Variants in PLXDC2 observed in about 807,000 individuals in gnomAD.
The protein encoded by PLXDC2 is plexin domain-containing protein 2.
Under a neutral mutation model 68.9 loss-of-function variants are expected in PLXDC2, and 40 were observed. The ratio of observed to expected loss-of-function variants is 0.58; its 90% confidence interval spans 0.45 to 0.76. The LOEUF (loss-of-function observed/expected upper bound fraction) is 0.76, where lower values mean the gene tolerates loss of function less well. Ranked by LOEUF, PLXDC2 falls within the 30% of genes least tolerant of loss-of-function variation. The pLI is 0.00. For missense variants in PLXDC2, 644 were observed against 661.9 expected, an observed-to-expected ratio of 0.97 and a Z score of 0.30; for synonymous variants, 243 against 234.2, an observed-to-expected ratio of 1.04 and a Z score of -0.34.
At chr10:19,860,397 A>T (rs1035579205) in intron 1 of PLXDC2, among the ~76,000 whole-genome samples, 1 of 152,212 alleles carries the variant, frequency 6.6e-6, no homozygotes, top group Non-Finnish European at 1.5e-5. Flanking sequence ...TATTGTGCCT[A>T]GTGCACTTCA....
chr10:20,105,744 A>G (rs937754907), intron 4 of PLXDC2, among the ~76,000 whole-genome samples: 1 of 152,142 alleles, frequency 6.6e-6, no homozygotes, highest in Admixed American at 6.5e-5. Context: ...GGCTCTCAAC[A>G]TCCTCATTAA....
chr10:20,191,753 A>G (rs868135939), intron 9 of PLXDC2, among the ~76,000 whole-genome samples: 6 of 152,028 alleles, frequency 3.9e-5, no homozygotes, highest in Admixed American at 6.6e-5. Context: ...ACATGTATAC[A>G]TATGTAACAA....
At chr10:20,202,178 A>G (rs1356394610) in intron 9 of PLXDC2, among the ~76,000 whole-genome samples, 1 of 152,174 alleles carries the variant, frequency 6.6e-6, no homozygotes, top group African/African-American at 2.4e-5. Context: ...GTGGATCTTT[A>G]TAAAAAAGGA....
intron 2 of PLXDC2, among the ~76,000 whole-genome samples, chr10:20,045,536 A>G (rs1835783278): frequency 6.6e-6 from 1 of 152,190 alleles, no homozygotes; most frequent in African/African-American, 2.4e-5. Flanking sequence ...CACTTGGATC[A>G]TAGTCTCTCT....
At chr10:20,134,541 G>C (rs1003478173) in intron 4 of PLXDC2, among the ~76,000 whole-genome samples, 4 of 152,076 alleles carry the variant, frequency 2.6e-5, no homozygotes, top group Non-Finnish European at 4.4e-5. Context: ...GCAGATGCAG[G>C]CCTGGAGCCT....
intron 1 of PLXDC2, among the ~76,000 whole-genome samples, chr10:19,936,147 G>C (rs988978335): frequency 6.6e-6 from 1 of 152,162 alleles, no homozygotes; most frequent in African/African-American, 2.4e-5. Context: ...TTGTAAGCTT[G>C]ATATATTTTC....
At chr10:20,133,033 C>G (rs2131778202) in intron 4 of PLXDC2, among the ~76,000 whole-genome samples, 1 of 152,234 alleles carries the variant, frequency 6.6e-6, no homozygotes, top group Non-Finnish European at 1.5e-5. Context: ...CATAAGACAT[C>G]TTCAAGTCAT....
chr10:19,916,299 C>G (rs1167231395), intron 1 of PLXDC2, among the ~76,000 whole-genome samples: 1 of 118,308 alleles, frequency 8.5e-6, no homozygotes, highest in East Asian at 2.3e-4. Flanking sequence ...GGGCACCTCA[C>G]CACGCCTGGC....
At chr10:20,230,693 CAAAA>C (rs1191613913) in intron 12 of PLXDC2, among the ~76,000 whole-genome samples, 31 of 37,810 alleles carry the variant, frequency 8.2e-4, no homozygotes, top group Non-Finnish European at 1.4e-3. Context: ...GACCTTGTCT[CAAAA>C]AAAAAAAAAA....
At chr10:20,256,452 A>G (rs1835743029) in intron 13 of PLXDC2, among the ~76,000 whole-genome samples, 1 of 68,396 alleles carries the variant, frequency 1.5e-5, no homozygotes, top group South Asian at 5.0e-4. Context: ...TTTTTTTAAC[A>G]CTGAGACTGC....
At chr10:20,263,345 A>G (rs1309420341) in intron 13 of PLXDC2, among the ~76,000 whole-genome samples, 2 of 152,226 alleles carry the variant, frequency 1.3e-5, no homozygotes, top group Non-Finnish European at 2.9e-5. Flanking sequence ...TACACCATAC[A>G]CAAAAATCTA....
chr10:19,928,749 CTTTTTTTTTT>C (rs796581734), intron 1 of PLXDC2, among the ~76,000 whole-genome samples: 6 of 105,200 alleles, frequency 5.7e-5, no homozygotes, highest in South Asian at 3.2e-4. Context: ...GAAGATAGGA[CTTTTTTTTTT>C]TTTTTTTTTT....
At chr10:20,120,763 A>C (rs1453216736) in intron 4 of PLXDC2, among the ~76,000 whole-genome samples, 1 of 152,152 alleles carries the variant, frequency 6.6e-6, no homozygotes, top group East Asian at 1.9e-4. Flanking sequence ...GGAGTAGTAG[A>C]ATAGCAGATG....
At chr10:20,244,021 T>G (rs1040421203) in intron 12 of PLXDC2, among the ~76,000 whole-genome samples, 11 of 151,838 alleles carry the variant, frequency 7.2e-5, no homozygotes, top group Non-Finnish European at 1.5e-4. Flanking sequence ...ATCACACCAC[T>G]GCACTCCAGC....
At chr10:19,914,068 G>A (rs1833323101) in intron 1 of PLXDC2, among the ~76,000 whole-genome samples, 2 of 150,534 alleles carry the variant, frequency 1.3e-5, no homozygotes, top group East Asian at 2.0e-4. Flanking sequence ...GCAGGAGGGA[G>A]GGAGAGAAGG....
chr10:19,947,732 C>A (rs190704398), intron 1 of PLXDC2, among the ~76,000 whole-genome samples: 3 of 62,906 alleles, frequency 4.8e-5, no homozygotes, highest in African/African-American at 6.1e-5. Context: ...TTGCACAGTT[C>A]TAGTGTTTTG....
chr10:20,197,999 A>G (rs574201689), intron 9 of PLXDC2, among the ~76,000 whole-genome samples: 3 of 152,308 alleles, frequency 2.0e-5, no homozygotes, highest in East Asian at 3.9e-4. Context: ...TTGTATTCAT[A>G]TTTGTAATTA....
chr10:20,165,585 A>G (rs1834364236), intron 7 of PLXDC2, among the ~76,000 whole-genome samples: 1 of 152,172 alleles, frequency 6.6e-6, no homozygotes, highest in Non-Finnish European at 1.5e-5. Flanking sequence ...AATTTCATCC[A>G]TGTCCCTGTG....
At chr10:19,857,167 C>T (rs544847366) in intron 1 of PLXDC2, among the ~76,000 whole-genome samples, 1 of 152,168 alleles carries the variant, frequency 6.6e-6, no homozygotes, top group Non-Finnish European at 1.5e-5. Flanking sequence ...AGTTCTACAG[C>T]TAGCAAGTTA....
Sources: gnomAD v4.1 joint callset for allele counts (sites outside exome capture counted in the v4.1 genomes callset) on GRCh38, gnomAD v4.1.1 for gene constraint, MANE v1.5 for transcripts, NCBI Gene and HGNC (gene_info 2026-07-23, HGNC 2026-07-21) for gene names.